KAT6B: variants seen among roughly 807,000 people sequenced by gnomAD.
KAT6B encodes the protein histone acetyltransferase KAT6B.
In KAT6B, 10 loss-of-function variants were observed where a neutral mutation model predicts 187.5. The ratio of observed to expected loss-of-function variants is 0.05; its 90% confidence interval spans 0.03 to 0.09. The LOEUF (loss-of-function observed/expected upper bound fraction) is 0.09, where lower values mean the gene tolerates loss of function less well. KAT6B is among the 10% of genes least tolerant of loss of function. The probability of loss-of-function intolerance (pLI) is 1.00; values close to 1 mark genes in which losing one functional copy is unlikely to be tolerated. For synonymous variants in KAT6B, 861 were observed against 926.8 expected, an observed-to-expected ratio of 0.93 and a Z score of 1.29; for missense variants, 1,952 against 2,558.9, an observed-to-expected ratio of 0.76 and a Z score of 5.12.
intron 17 of KAT6B, chr10:75,025,888 A>C (rs559931915): frequency 1.8e-4 from 28 of 154,346 alleles, no homozygotes; most frequent in Admixed American, 1.6e-3. Context: ...AATCAGATGT[A>C]GTGGTGTGCA....
chr10:75,020,890 C>A, intron 14 of KAT6B, 77 bp downstream of exon 14: 2 of 1,237,466 alleles, frequency 1.6e-6, no homozygotes, highest in Non-Finnish European at 1.2e-6. Flanking sequence ...TAGGTGCATT[C>A]ATTCCAGTTA....
At chr10:74,940,879 T>C (rs1284662528) in intron 3 of KAT6B, among the ~76,000 whole-genome samples, 1 of 152,244 alleles carries the variant, frequency 6.6e-6, no homozygotes, top group Non-Finnish European at 1.5e-5. Context: ...TAGACTCTTC[T>C]TAGCATAAAC....
intron 3 of KAT6B, among the ~76,000 whole-genome samples, chr10:74,927,607 A>G (rs974876903): frequency 9.9e-5 from 15 of 152,030 alleles, no homozygotes; most frequent in African/African-American, 3.1e-4. Context: ...GGCAGCCTCA[A>G]AGGGCTCTGG....
chr10:75,029,630 C>T lies in KAT6B; in HGVS notation c.4806C>T (p.Ser1602=), dbSNP rs377200752. ...CGGACCACAGTAGCCCAGTTTCATC[C>T]GTCCACTCCCATCCTGGCCAGTCCG... ...QQSDHSSPVS[S]VHSHPGQSVR... Residue 1602 remains serine, a synonymous_variant, in exon 18 of 18, where the codon TCC becomes TCT. Transcript: ENST00000287239. This position sits in a 1 kb window ranked among gnomAD's most constrained non-coding sequence, Gnocchi z 6.2. 112 of 1,614,036 alleles carry T rather than the reference C, an allele frequency of 6.9e-5. No individual in the cohort carries two copies. The highest frequency in any genetic ancestry group is 8.7e-5 in the Non-Finnish European group (103 of 1,180,034).
chr10:74,842,806 CA>C lies in KAT6B; in HGVS notation c.-49del. Reference sequence around the variant, plus strand: ...TCAAATGTGCAAGTTCTGTTAAATACAAAGAGAACCTCTATGGGTAACTTTT... The same window carrying C: ...TCAAATGTGCAAGTTCTGTTAAATACAAGAGAACCTCTATGGGTAACTTTT... On this transcript the variant is annotated 5_prime_UTR_variant, in exon 3 of 18. It removes the in-frame stop codon of an upstream open reading frame in the 5' UTR. Coordinates refer to ENST00000287239, the MANE Select transcript of KAT6B (RefSeq NM_012330.4). 2 of 1,604,484 alleles carry C rather than the reference CA, an allele frequency of 1.2e-6. No individual in the cohort carries two copies. Among genetic ancestry groups the C allele is most frequent in the Non-Finnish European group, 1.7e-6 (2 of 1,174,022 alleles).
Position 75,022,108 on chromosome 10 carries a change from G to GGAA in KAT6B, c.3251_3252insAGA (p.Glu1089dup). ...AGGAGGACGAGGAGGAGGAAGAAGA[G>GGAA]GAGGAAGAAGAGGAAGAGGATGAAG... is the stretch of plus-strand genomic sequence containing the variant. On this transcript the variant is annotated inframe_insertion, in exon 16 of 18. Transcript: ENST00000287239. The GGAA allele has an allele frequency of 6.2e-7, 1 of 1,609,946 alleles. No individual in the cohort carries two copies. The highest frequency in any genetic ancestry group is 8.5e-7 in the Non-Finnish European group (1 of 1,177,952).
chr10:74,847,870 G>A (rs16931766), intron 3 of KAT6B, among the ~76,000 whole-genome samples: 3,826 of 151,410 alleles, frequency 0.025, 158 homozygotes, highest in African/African-American at 0.087. Context: ...AATAGAGTGT[G>A]AAGTCATGTG....
intron 3 of KAT6B, among the ~76,000 whole-genome samples, chr10:74,899,821 T>G (rs1444535706): frequency 6.6e-6 from 1 of 152,134 alleles, no homozygotes; most frequent in Admixed American, 6.5e-5. Context: ...TAGTTAAAAT[T>G]TGTCATCCTA....
intron 4 of KAT6B, among the ~76,000 whole-genome samples, chr10:74,963,072 G>A (rs74146262): frequency 0.021 from 3,152 of 152,246 alleles, 130 homozygotes; most frequent in African/African-American, 0.072. Context: ...GATCCAGTGA[G>A]AAAATGATAG....
chr10:74,825,688 C>G (rs1328668211), upstream of KAT6B: 1 of 153,398 alleles, frequency 6.5e-6, no homozygotes, highest in Non-Finnish European at 1.5e-5. This position sits in a 1 kb window ranked among gnomAD's most constrained non-coding sequence, Gnocchi z 5.0. Flanking sequence ...AGCCGGGGAC[C>G]CGGGTGGCCG....
intron 3 of KAT6B, among the ~76,000 whole-genome samples, chr10:74,901,885 T>G (rs945007306): frequency 2.0e-4 from 31 of 152,342 alleles, no homozygotes; most frequent in Non-Finnish European, 4.0e-4. Context: ...TCATTTTGAT[T>G]AGGCTCATTT....
intron 2 of KAT6B, among the ~76,000 whole-genome samples, chr10:74,839,655 A>T (rs1206953728): frequency 6.6e-6 from 1 of 152,184 alleles, no homozygotes; most frequent in Non-Finnish European, 1.5e-5. Context: ...TGTGCAATCA[A>T]ATTAAATTAG....
intron 13 of KAT6B, among the ~76,000 whole-genome samples, chr10:75,006,602 A>G (rs1001811888): frequency 1.3e-5 from 2 of 152,066 alleles, no homozygotes; most frequent in Non-Finnish European, 2.9e-5. Context: ...GGTAAACACC[A>G]CCATGCCCAG....
At chr10:74,849,316 T>C (rs1415803808) in intron 3 of KAT6B, among the ~76,000 whole-genome samples, 1 of 149,100 alleles carries the variant, frequency 6.7e-6, no homozygotes, top group African/African-American at 2.5e-5. Context: ...TTTTTTGAGA[T>C]GGAATCTCAC....
chr10:74,997,009 T>C (rs928634133), intron 13 of KAT6B, among the ~76,000 whole-genome samples: 2 of 152,092 alleles, frequency 1.3e-5, no homozygotes, highest in African/African-American at 4.8e-5. Context: ...CTATAGTGTT[T>C]AAATAAATAT....
At chr10:74,926,235 C>G (rs1043673689) in intron 3 of KAT6B, among the ~76,000 whole-genome samples, 2 of 152,234 alleles carry the variant, frequency 1.3e-5, no homozygotes, top group African/African-American at 2.4e-5. Flanking sequence ...GGGCAGATCA[C>G]CTGAGGTCAG....
chr10:74,872,301 A>C (rs1451482062), intron 3 of KAT6B, among the ~76,000 whole-genome samples: 1 of 152,190 alleles, frequency 6.6e-6, no homozygotes, highest in Non-Finnish European at 1.5e-5. Flanking sequence ...GTTGCATGAC[A>C]ACTTGTGAGG....
intron 8 of KAT6B, chr10:74,976,598 A>G (rs931075677): frequency 5.8e-6 from 3 of 514,128 alleles, no homozygotes; most frequent in African/African-American, 3.9e-5. Context: ...AGATGCCTTC[A>G]TAGCATTGCT....
chr10:74,972,444 T>C (rs1841906229), intron 6 of KAT6B, 63 bp from the exon 7 acceptor site: 5 of 1,238,878 alleles, frequency 4.0e-6, no homozygotes, highest in Admixed American at 2.0e-5. Context: ...CTACAACTTA[T>C]ATTTAATATC....
Sources: allele counts gnomAD v4.1 joint callset (sites outside exome capture counted in the v4.1 genomes callset), GRCh38; gene constraint gnomAD v4.1.1; non-coding constraint Gnocchi (gnomAD v3.1); transcripts MANE v1.5; gene names NCBI Gene and HGNC (gene_info 2026-07-23, HGNC 2026-07-21).